The following CR2 variants were observed in gnomAD, a reference collection of about 807,000 sequenced individuals.
CR2 encodes complement C3d receptor 2.
Under a neutral mutation model 123.0 loss-of-function variants are expected in CR2, and 96 were observed. The observed-to-expected ratio is 0.78, with a 90% CI of 0.66 to 0.93. CR2 has a LOEUF of 0.93. CR2 is among the 40% of genes least tolerant of loss of function. The probability of loss-of-function intolerance (pLI) is 0.00; values close to 1 mark genes in which losing one functional copy is unlikely to be tolerated. For synonymous variants in CR2, 484 were observed against 469.5 expected, an observed-to-expected ratio of 1.03 and a Z score of -0.40; for missense variants, 1,258 against 1,361.0, an observed-to-expected ratio of 0.92 and a Z score of 1.19.
chr1:207,488,255 T>G (rs934595459), intron 19 of CR2, among the ~76,000 whole-genome samples: 4 of 152,238 alleles, frequency 2.6e-5, no homozygotes, highest in African/African-American at 9.6e-5. Flanking sequence ...GGGCAAGGTC[T>G]CAGGGTCAAT....
intron 16 of CR2, among the ~76,000 whole-genome samples, chr1:207,478,571 AAAAAAG>A (rs1376768143): frequency 2.0e-5 from 3 of 151,044 alleles, no homozygotes; most frequent in African/African-American, 4.8e-5. Flanking sequence ...TAAATAAAAT[AAAAAAG>A]AAAAAGGAAA....
intron 19 of CR2, among the ~76,000 whole-genome samples, chr1:207,488,516 C>T (rs147742969): frequency 0.046 from 6,936 of 152,130 alleles, 224 homozygotes; most frequent in Middle Eastern, 0.11. Flanking sequence ...CCCAGCTACT[C>T]GGGAGGCTGA....
chr1:207,456,103 A>G (rs1657827447), intron 1 of CR2, among the ~76,000 whole-genome samples: 2 of 152,224 alleles, frequency 1.3e-5, no homozygotes, highest in African/African-American at 2.4e-5. Context: ...CCATTGTTCA[A>G]AAATCTAAAA....
intron 1 of CR2, among the ~76,000 whole-genome samples, chr1:207,460,934 G>A (rs1036899436): frequency 2.6e-5 from 4 of 151,704 alleles, no homozygotes; most frequent in South Asian, 2.1e-4. Context: ...AGGCATTAAC[G>A]GTTTAATAGC....
At chr1:207,457,418 C>T (rs1349497100) in intron 1 of CR2, among the ~76,000 whole-genome samples, 1 of 152,186 alleles carries the variant, frequency 6.6e-6, no homozygotes, top group Non-Finnish European at 1.5e-5. Flanking sequence ...ATCATCCCCA[C>T]CAGCATTTAA....
intron 6 of CR2, 112 bp from the exon 7 acceptor site, chr1:207,470,628 T>C: frequency 4.9e-6 from 5 of 1,025,000 alleles, no homozygotes; most frequent in South Asian, 2.6e-5. Flanking sequence ...TTCTGTATCA[T>C]ACAGCTGACG....
chr1:207,473,316 T>A lies in CR2; in HGVS notation c.1978+137T>A, dbSNP rs148404045. On this transcript the variant is annotated intron_variant, in intron 10 of 19. Coordinates refer to ENST00000367057, the MANE Select transcript of CR2 (RefSeq NM_001006658.3). ...TCTGTTTCTTCCATCCTATAATAGATGTTCTCTGTGTTGTGTGTGTGCATG... is the reference window on the plus strand; with the variant it reads ...TCTGTTTCTTCCATCCTATAATAGAAGTTCTCTGTGTTGTGTGTGTGCATG... 1.6e-3 allele frequency: 1,883 copies of A among 1,146,370 alleles called. 24 individuals carry two copies. The African/African-American group carries it at 0.026, about 16-fold the overall frequency. 71.0% of individuals were successfully genotyped at this position (1,146,370 alleles called of 1,614,324 possible).
In CR2 at chr1:207,485,472, A is replaced by G. The variant is rs1300377527; in HGVS notation, c.3197A>G (p.Tyr1066Cys). Reference sequence around the variant, plus strand: ...TTTCTTCTTCTGTTTAGCAATTATTATACAGATACAAGCCAGAAAGAAGCT... The same window carrying G: ...TTTCTTCTTCTGTTTAGCAATTATTGTACAGATACAAGCCAGAAAGAAGCT... Reference protein sequence around the residue: ...VISKHRARNYYTDTSQKEAFH... With the variant: ...VISKHRARNYCTDTSQKEAFH... Residue 1066 changes from tyrosine to cysteine, a missense_variant, in exon 19 of 20, where the codon TAT (tyrosine) becomes TGT (cysteine). Tyr to Cys is a radical substitution (Grantham distance 194, BLOSUM62 -2). Transcript: ENST00000367057. 6 of 1,600,748 alleles carry G rather than the reference A, an allele frequency of 3.7e-6. No homozygotes were observed. The highest frequency in any genetic ancestry group is 1.7e-5 in the Admixed American group (1 of 59,998).
rs1404530321 is a variant in CR2 at position 207,473,159 on chromosome 1, A to G, written c.1958A>G (p.Glu653Gly). Residue 653 changes from glutamate to glycine, a missense_variant, in exon 10 of 20, where the codon GAA (glutamate) becomes GGA (glycine). Transcript: ENST00000367057. ...RCKADNTWDP[E>G]IPVCEKGCQS... The stretch of plus-strand genomic sequence containing the variant: ...AAAGCTGATAACACCTGGGATCCTG[A>G]AATACCAGTTTGTGAAAAAGGTAAA... The G allele has an allele frequency of 4.3e-6, 7 of 1,613,804 alleles. No individual in the cohort carries two copies. In the Admixed American group the frequency reaches 1.2e-4, roughly 27 times the overall value.
rs1658251511 is a variant in CR2, at chr1:207,470,773, A to G, written c.1259A>G (p.Gln420Arg). 7 of 1,613,888 alleles carry G rather than the reference A, an allele frequency of 4.3e-6. No individual in the cohort carries two copies. The highest frequency in any genetic ancestry group is 5.9e-6 in the Non-Finnish European group (7 of 1,179,858). The stretch of plus-strand genomic sequence containing the variant: ...GCCCCTCCTAACATCCTCAATGGGC[A>G]AAAGGAAGATAGACACATGGTCCGC... Reference protein sequence around the residue: ...CQAPPNILNGQKEDRHMVRFD... With the variant: ...CQAPPNILNGRKEDRHMVRFD... The change falls in exon 7 of 20, where the codon CAA (glutamine) becomes CGA (arginine). Residue 420 changes from glutamine to arginine, a missense_variant. Transcript: ENST00000367057.
rs1658227962 is a variant in CR2, at chr1:207,470,164, G to T, written c.1225+62G>T. The T allele has an allele frequency of 6.9e-6, 11 of 1,595,814 alleles. No homozygotes were observed. In the African/African-American group the frequency reaches 1.2e-4, roughly 18 times the overall value. On this transcript the variant is annotated intron_variant, in intron 6 of 19. Transcript: ENST00000367057. ...TCGTTTCTGAAAAATTAGAAGAAGGGGTTGTGGGCTTTAGGTAGGGCCTTG... is the reference window on the plus strand; with the variant it reads ...TCGTTTCTGAAAAATTAGAAGAAGGTGTTGTGGGCTTTAGGTAGGGCCTTG...
chr1:207,462,598 T>C (rs866745665), intron 1 of CR2, among the ~76,000 whole-genome samples: 3 of 152,166 alleles, frequency 2.0e-5, no homozygotes, highest in African/African-American at 7.2e-5. Flanking sequence ...GTATAGAAGG[T>C]GTACCAGCCC....
intron 15 of CR2, among the ~76,000 whole-genome samples, chr1:207,477,396 G>T (rs777649720): frequency 1.7e-4 from 26 of 152,136 alleles, no homozygotes; most frequent in Non-Finnish European, 2.6e-4. Context: ...CTCCCATGGC[G>T]CATGGGGATT....
rs1182797673 is a variant in CR2, at chr1:207,454,418, C to A, written c.-1C>A. The stretch of plus-strand genomic sequence containing the variant: ...CCCGCCGCGGGGGCTTCGGCCGTGG[C>A]ATGGGCGCCGCGGGCCTGCTCGGGG... On this transcript the variant is annotated 5_prime_UTR_variant, in exon 1 of 20. Coordinates refer to ENST00000367057, the MANE Select transcript of CR2 (RefSeq NM_001006658.3). This position sits in a 1 kb window ranked among gnomAD's most constrained non-coding sequence, Gnocchi z 4.3. The A allele has an allele frequency of 6.3e-7, 1 of 1,582,016 alleles. No individual in the cohort carries two copies. Among genetic ancestry groups the A allele is most frequent in the Admixed American group, 1.7e-5 (1 of 57,478 alleles).
Position 207,470,910 on chromosome 1 carries a change from T to C in CR2, c.1396T>C (p.Cys466Arg), listed in dbSNP as rs773747334. 1 of 1,613,852 alleles carries C rather than the reference T, an allele frequency of 6.2e-7. No individual in the cohort carries two copies. Among genetic ancestry groups the C allele is most frequent in the Non-Finnish European group, 8.5e-7 (1 of 1,179,836 alleles). ...GGTGTGGACACCCCCTGTACCCCAA[T>C]GCAAAGGTGCCAGGCCTCAAATGTA... ...EGVWTPPVPQ[C>R]KVAACEATGR... The change falls in exon 7 of 20, where the codon TGC (cysteine) becomes CGC (arginine). Residue 466 changes from cysteine (C) to arginine (R), a missense_variant. By Grantham distance (180) the Cys-to-Arg change is radical. Transcript: ENST00000367057.
chr1:207,463,987 C>A (rs1206314150), intron 1 of CR2, among the ~76,000 whole-genome samples: 1 of 152,140 alleles, frequency 6.6e-6, no homozygotes, highest in South Asian at 2.1e-4. Flanking sequence ...TTCCTCATGG[C>A]CCCCAATCCT....
At position 207,474,919 on chromosome 1, in the gene CR2, T is replaced by C. The variant is rs138732088; in HGVS notation, c.2419T>C (p.Cys807Arg). ...FLYGNEVSYE[C>R]DQGFYLLGEK... ...ATATGGAAATGAAGTCTCTTATGAA[T>C]GTGACCAAGGATTCTATCTCCTGGG... The change falls in exon 14 of 20, where the codon TGT becomes CGT. Residue 807 changes from cysteine to arginine, a missense_variant. By Grantham distance (180) the Cys-to-Arg change is radical (BLOSUM62 -3). Coordinates refer to ENST00000367057, the MANE Select transcript of CR2 (RefSeq NM_001006658.3). 4.6e-5 allele frequency: 75 copies of C among 1,613,962 alleles called. No individual in the cohort carries two copies. The highest frequency in any genetic ancestry group is 1.5e-5 in the Non-Finnish European group (18 of 1,179,988).
rs1019858373 is a variant in CR2, at chr1:207,454,569, CG to C, written c.58+95del. The C allele has an allele frequency of 6.0e-5, 60 of 996,642 alleles. No individual in the cohort carries two copies. In the African/African-American group the frequency reaches 7.2e-4, roughly 12 times the overall value. The allele number at this position is 996,642 out of a possible 1,614,324, so 61.7% of individuals were successfully genotyped here. A position where few individuals can be genotyped will look rare whatever the true frequency, so the allele number is the denominator to read the frequency against. ...GCAAAGCAGGGGGCCAAAAGCGAGA[CG>C]GTGGGGGCAGTGCTCGACGCGTGTC... On this transcript the variant is annotated intron_variant, in intron 1 of 19. Coordinates refer to ENST00000367057, the MANE Select transcript of CR2 (RefSeq NM_001006658.3). This position sits in a 1 kb window ranked among gnomAD's most constrained non-coding sequence, Gnocchi z 4.3.
At position 207,474,573 on chromosome 1, in the gene CR2, G is replaced by A. The variant is rs372021942; in HGVS notation, c.2323+250G>A. 3.3e-5 allele frequency among the ~76,000 whole-genome samples: 5 copies of A among 152,212 alleles called. No homozygotes were observed. In the East Asian group the frequency reaches 5.8e-4, roughly 18 times the overall value. ...TATATAGCCCATATTCCTAGGTCATGGGAACATAGCTGTATTTCTTTCTTC... is the reference window on the plus strand; with the variant it reads ...TATATAGCCCATATTCCTAGGTCATAGGAACATAGCTGTATTTCTTTCTTC... On this transcript the variant is annotated intron_variant, in intron 13 of 19. Coordinates refer to ENST00000367057, the MANE Select transcript of CR2 (RefSeq NM_001006658.3).
Sources: allele counts gnomAD v4.1 joint callset (sites outside exome capture counted in the v4.1 genomes callset), GRCh38; gene constraint gnomAD v4.1.1; non-coding constraint Gnocchi (gnomAD v3.1); transcripts MANE v1.5; gene names NCBI Gene and HGNC (gene_info 2026-07-23, HGNC 2026-07-21).